Variants in ROBO2 observed in about 807,000 individuals in gnomAD.
The protein encoded by ROBO2 is roundabout guidance receptor 2.
A neutral mutation model predicts 160.8 loss-of-function variants in ROBO2; 53 were observed. The ratio of observed to expected loss-of-function variants is 0.33; its 90% CI spans 0.26 to 0.41. The LOEUF (loss-of-function observed/expected upper bound fraction) is 0.41, where lower values mean the gene tolerates loss of function less well. ROBO2 is among the 10% of genes least tolerant of loss of function. The pLI is 1.00. For synonymous variants in ROBO2, 664 were observed against 611.7 expected (o/e 1.09, Z -1.26); for missense variants, 1,577 against 1,722.4 (o/e 0.92, Z 1.49).
In ROBO2 at chr3:77,497,104, A is replaced by T. The variant is rs116684212; in HGVS notation, c.806+3722A>T. ...TGGACATTTTCCATGCGACCAAGGG[A>T]CAAAATGGAAAGGAGTCTACATTAT... On this transcript the variant is annotated intron_variant, in intron 5 of 25. Transcript: ENST00000461745. Among the ~76,000 whole-genome samples, 68 of 152,236 alleles carry T rather than the reference A, an allele frequency of 4.5e-4. 1 individual carries two copies. The highest frequency in any genetic ancestry group is 6.2e-4 in the Non-Finnish European group (42 of 67,970).
At chr3:76,283,167 T>TATATATATATATAAAA (rs1576253117) in intron 2 of ROBO2, among the ~76,000 whole-genome samples, 1 of 141,424 alleles carries the variant, frequency 7.1e-6, no homozygotes, top group African/African-American at 2.6e-5. Context: ...TACATATATA[T>TATATATATATATAAAA]AGTGACCCCT....
intron 2 of ROBO2, among the ~76,000 whole-genome samples, chr3:76,324,401 T>A (rs1376955338): frequency 2.0e-5 from 3 of 152,184 alleles, no homozygotes; most frequent in African/African-American, 7.2e-5. Context: ...GTTAAAAAAA[T>A]GTACAGCTAC....
At chr3:76,655,382 C>CAA (rs549843691) in intron 2 of ROBO2, among the ~76,000 whole-genome samples, 3 of 106,682 alleles carry the variant, frequency 2.8e-5, no homozygotes, top group Middle Eastern at 0.011. Context: ...AAACAAATTT[C>CAA]AAAAAAAAAA....
At chr3:77,589,697 C>A (rs754489614) in intron 17 of ROBO2, among the ~76,000 whole-genome samples, 3 of 151,958 alleles carry the variant, frequency 2.0e-5, no homozygotes, top group Non-Finnish European at 4.4e-5. Context: ...AGAGGACACA[C>A]AAAATTGTAA....
chr3:76,892,268 G>A (rs924206456), intron 2 of ROBO2, among the ~76,000 whole-genome samples: 1 of 150,360 alleles, frequency 6.7e-6, no homozygotes, highest in East Asian at 1.9e-4. Context: ...AACTGCCTAG[G>A]CAGCTTTGCC....
At chr3:76,668,309 T>C (rs1436102163) in intron 2 of ROBO2, among the ~76,000 whole-genome samples, 1 of 151,976 alleles carries the variant, frequency 6.6e-6, no homozygotes, top group African/African-American at 2.4e-5. Flanking sequence ...GGACTTGCTA[T>C]ATTACCAGGG....
At chr3:76,054,174 C>A (rs1419921003) in intron 2 of ROBO2, among the ~76,000 whole-genome samples, 3 of 152,022 alleles carry the variant, frequency 2.0e-5, no homozygotes, top group Non-Finnish European at 4.4e-5. Flanking sequence ...AATAAGGCAA[C>A]CTCTATCATG....
At chr3:76,317,974 A>C (rs1298104995) in intron 2 of ROBO2, among the ~76,000 whole-genome samples, 1 of 152,052 alleles carries the variant, frequency 6.6e-6, no homozygotes, top group Non-Finnish European at 1.5e-5. Context: ...ACTTCTATTC[A>C]AATTCACTTT....
intron 2 of ROBO2, among the ~76,000 whole-genome samples, chr3:76,947,920 T>C (rs2078672449): frequency 6.6e-6 from 1 of 152,204 alleles, no homozygotes. Context: ...ATATTGGCTT[T>C]TATTTTCCCA....
rs542868846 is a variant in ROBO2, at chr3:76,080,750, A to T, written c.109+143148A>T. ...TTTCTTTTTCAACCATCTACAACGG[A>T]TCTTAATATGCCAAGGATATGTAGT... On this transcript the variant is annotated intron_variant, in intron 2 of 26. Transcript: ENST00000487694. Among the ~76,000 whole-genome samples the T allele has an allele frequency of 2.6e-5, 4 of 152,320 alleles. No homozygotes were observed. In the East Asian group the frequency reaches 7.7e-4, roughly 29 times the overall value.
intron 2 of ROBO2, among the ~76,000 whole-genome samples, chr3:77,456,042 A>G (rs962333502): frequency 6.6e-6 from 1 of 152,198 alleles, no homozygotes; most frequent in Non-Finnish European, 1.5e-5. Context: ...GGAATTATTC[A>G]GAAAGTATTG....
At chr3:77,078,225 G>A (rs142688538) in intron 1 of ROBO2, among the ~76,000 whole-genome samples, 3 of 152,104 alleles carry the variant, frequency 2.0e-5, no homozygotes, top group Admixed American at 6.6e-5. Flanking sequence ...CTACTGAGCC[G>A]TTTATAAACG....
intron 2 of ROBO2, among the ~76,000 whole-genome samples, chr3:76,397,651 A>T (rs1461056371): frequency 6.6e-6 from 1 of 152,108 alleles, no homozygotes; most frequent in African/African-American, 2.4e-5. Context: ...AACCCCATCA[A>T]AAAGTGGGCG....
chr3:76,239,950 G>A (rs1705188318), intron 2 of ROBO2, among the ~76,000 whole-genome samples: 1 of 152,178 alleles, frequency 6.6e-6, no homozygotes, highest in Admixed American at 6.5e-5. Flanking sequence ...GGCTTTGCAG[G>A]CACGTTGGGA....
At chr3:77,006,305 T>TTGTGTGTGTGTGTGTGTGTGTG (rs60754546) in intron 2 of ROBO2, among the ~76,000 whole-genome samples, 1 of 143,876 alleles carries the variant, frequency 7.0e-6, no homozygotes, top group African/African-American at 2.6e-5. Flanking sequence ...ATTTTAATAT[T>TTGTGTGTGTGTGTGTGTGTGTG]TGTGTGTGTG....
chr3:76,635,161 G>T (rs2090260433), intron 2 of ROBO2, among the ~76,000 whole-genome samples: 1 of 152,116 alleles, frequency 6.6e-6, no homozygotes, highest in Admixed American at 6.5e-5. Context: ...TTTTGCTGCC[G>T]TATGACTTAG....
chr3:77,599,262 AG>A (rs1236008924), intron 19 of ROBO2, among the ~76,000 whole-genome samples: 1 of 151,984 alleles, frequency 6.6e-6, no homozygotes, highest in Non-Finnish European at 1.5e-5. Flanking sequence ...TTCCATTTTA[AG>A]GATCAAGAAA....
chr3:77,097,311 G>A (rs2071217539), intron 1 of ROBO2, among the ~76,000 whole-genome samples: 2 of 152,070 alleles, frequency 1.3e-5, no homozygotes, highest in Non-Finnish European at 2.9e-5. Context: ...TTTTTTCGGG[G>A]AAGGGATCTC....
chr3:77,371,343 A>C (rs2071721597), intron 2 of ROBO2, among the ~76,000 whole-genome samples: 1 of 152,164 alleles, frequency 6.6e-6, no homozygotes, highest in African/African-American at 2.4e-5. Context: ...CTCTACATTC[A>C]AAGTCTTTAT....
Sources: gnomAD v4.1 joint callset for allele counts (sites outside exome capture counted in the v4.1 genomes callset) on GRCh38, gnomAD v4.1.1 for gene constraint, MANE v1.5 for transcripts, NCBI Gene and HGNC (gene_info 2026-07-23, HGNC 2026-07-21) for gene names.